The following WWOX variants were observed in gnomAD, a reference collection of about 807,000 sequenced individuals.
The protein encoded by WWOX is WW domain-containing oxidoreductase.
WWOX carries 69 observed loss-of-function variants against 46.2 expected under a neutral mutation model. That is an observed-to-expected ratio of 1.49 (90% CI 1.23 to 1.82). WWOX has a LOEUF of 1.82. WWOX is among the 40% of genes most tolerant of loss of function. The pLI is 0.00. For synonymous variants in WWOX, 359 were observed against 202.6 expected (o/e 1.77, Z -6.56); for missense variants, 919 against 542.6 (o/e 1.69, Z -6.89).
rs773610021 is a variant in WWOX at position 78,330,398 on chromosome 16, A to AT, written c.517-56448dup. Among the ~76,000 whole-genome samples the AT allele has an allele frequency of 9.2e-3, 1,331 of 144,820 alleles. 9 individuals are homozygous for AT. Among genetic ancestry groups the AT allele is most frequent in the African/African-American group, 0.019 (776 of 40,102 alleles). The stretch of plus-strand genomic sequence containing the variant: ...TAAAGAGAAAATTTCACCAGTGATA[A>AT]TTTTTTTTTTTTTTCCCCTGAGAAA... On this transcript the variant is annotated intron_variant, in intron 5 of 8. Coordinates refer to ENST00000566780, the MANE Select transcript of WWOX (RefSeq NM_016373.4).
rs117190123 is a variant in WWOX, at chr16:78,777,507, G to A, written c.1056+344755G>A. Among the ~76,000 whole-genome samples the A allele has an allele frequency of 5.8e-3, 881 of 152,256 alleles. 1 individual carries two copies. Among genetic ancestry groups the A allele is most frequent in the Non-Finnish European group, 7.9e-3 (535 of 68,018 alleles). On this transcript the variant is annotated intron_variant, in intron 8 of 8. Transcript: ENST00000566780. ...AAATACAGACGTAGAAAGACACCGT[G>A]CCTGCTGCTAAGAGGCCCCTGGTCC... is the stretch of plus-strand genomic sequence containing the variant.
chr16:78,911,196 T>C (rs1473488591), intron 8 of WWOX, among the ~76,000 whole-genome samples: 1 of 151,944 alleles, frequency 6.6e-6, no homozygotes, highest in Non-Finnish European at 1.5e-5. Flanking sequence ...ACTTTCCAGT[T>C]ATCAAAAAGG....
intron 8 of WWOX, among the ~76,000 whole-genome samples, chr16:78,650,168 GTGTT>G (rs2046934662): frequency 6.6e-6 from 1 of 152,164 alleles, no homozygotes; most frequent in Non-Finnish European, 1.5e-5. Context: ...ATAAAAAAGA[GTGTT>G]TGGCTAACTT....
chr16:78,370,115 G>GAGC (rs1341366290), intron 5 of WWOX, among the ~76,000 whole-genome samples: 1 of 106,304 alleles, frequency 9.4e-6, no homozygotes, highest in Admixed American at 1.5e-4. Context: ...CTGGGAGACA[G>GAGC]AGCAAGACTG....
At chr16:79,100,576 C>G (rs1273641885) in intron 8 of WWOX, among the ~76,000 whole-genome samples, 1 of 152,172 alleles carries the variant, frequency 6.6e-6, no homozygotes, top group Non-Finnish European at 1.5e-5. Context: ...CAGCTCTTTT[C>G]CTATACAAGT....
At chr16:79,028,861 C>T (rs1298644961) in intron 8 of WWOX, among the ~76,000 whole-genome samples, 2 of 150,822 alleles carry the variant, frequency 1.3e-5, no homozygotes, top group South Asian at 2.1e-4. Context: ...ATTCTGAAAA[C>T]TGGGAAGAGA....
chr16:79,195,159 C>T (rs923111941), intron 8 of WWOX, among the ~76,000 whole-genome samples: 1 of 152,064 alleles, frequency 6.6e-6, no homozygotes, highest in African/African-American at 2.4e-5. Flanking sequence ...TCTAAGTCCC[C>T]CAGCTATTGT....
In WWOX at chr16:78,951,993, A is replaced by G. The variant is rs556039933; in HGVS notation, c.1057-259615A>G. Among the ~76,000 whole-genome samples the G allele has an allele frequency of 2.0e-5, 3 of 152,274 alleles. No homozygotes were observed. In the South Asian group the frequency reaches 6.2e-4, roughly 32 times the overall value. On this transcript the variant is annotated intron_variant, in intron 8 of 8. Coordinates refer to ENST00000566780, the MANE Select transcript of WWOX (RefSeq NM_016373.4). ...ACCCAAATGTGAGTATGCCATTCTA[A>G]TCTTCCCACCCTCAGATAAACCACA...
rs2047948857 is a variant in WWOX, at chr16:78,689,994, G to T, written c.1056+257242G>T. ...TCCTACCTCAGCCTCCTGAGTAGCTGGGATTACAGGTGCCCGCCCCCATGC... is the reference window on the plus strand; with the variant it reads ...TCCTACCTCAGCCTCCTGAGTAGCTTGGATTACAGGTGCCCGCCCCCATGC... On this transcript the variant is annotated intron_variant, in intron 8 of 8. Coordinates refer to ENST00000566780, the MANE Select transcript of WWOX (RefSeq NM_016373.4). 5.3e-5 allele frequency among the ~76,000 whole-genome samples: 8 copies of T among 152,100 alleles called. No homozygotes were observed. The South Asian group carries it at 1.7e-3, about 32-fold the overall frequency.
intron 8 of WWOX, among the ~76,000 whole-genome samples, chr16:79,172,449 A>G (rs1361428285): frequency 6.6e-6 from 1 of 152,088 alleles, no homozygotes; most frequent in African/African-American, 2.4e-5. Flanking sequence ...AGCAGCAACC[A>G]CTTATCTTGG....
At chr16:78,929,472 T>C (rs1475342950) in intron 8 of WWOX, among the ~76,000 whole-genome samples, 1 of 152,164 alleles carries the variant, frequency 6.6e-6, no homozygotes, top group African/African-American at 2.4e-5. Flanking sequence ...TAAAAATCTA[T>C]TTCCAATGCT....
At chr16:78,381,477 G>A (rs1239113957) in intron 5 of WWOX, among the ~76,000 whole-genome samples, 129 of 152,356 alleles carry the variant, frequency 8.5e-4, no homozygotes, top group Non-Finnish European at 2.8e-4. Context: ...TTGGGAGCAA[G>A]TGGGCTTCTG....
At chr16:78,841,229 A>G (rs1314125804) in intron 8 of WWOX, among the ~76,000 whole-genome samples, 1 of 152,212 alleles carries the variant, frequency 6.6e-6, no homozygotes, top group Non-Finnish European at 1.5e-5. Flanking sequence ...GTTTTGTTCC[A>G]GTCTTTTACC....
At chr16:78,865,827 C>T (rs1316394315) in intron 8 of WWOX, among the ~76,000 whole-genome samples, 1 of 152,192 alleles carries the variant, frequency 6.6e-6, no homozygotes, top group African/African-American at 2.4e-5. Flanking sequence ...TTGCAGTGAG[C>T]CAGATTGCAC....
intron 8 of WWOX, among the ~76,000 whole-genome samples, chr16:78,966,733 CTT>C (rs2046369367): frequency 6.6e-6 from 1 of 152,140 alleles, no homozygotes; most frequent in African/African-American, 2.4e-5. Flanking sequence ...TTGCAAAACT[CTT>C]TTCATGGTCT....
chr16:78,781,826 A>G (rs573041400), intron 8 of WWOX, among the ~76,000 whole-genome samples: 13 of 152,350 alleles, frequency 8.5e-5, no homozygotes, highest in Non-Finnish European at 1.6e-4. Flanking sequence ...AGTAGAAGTA[A>G]TGATGACGAT....
At position 78,864,178 on chromosome 16, in the gene WWOX, A is replaced by G. The variant is rs186581314; in HGVS notation, c.1057-347430A>G. Among the ~76,000 whole-genome samples the G allele has an allele frequency of 2.2e-3, 335 of 152,290 alleles. 3 individuals carry two copies. Among genetic ancestry groups the G allele is most frequent in the Non-Finnish European group, 3.7e-3 (249 of 68,028 alleles). On this transcript the variant is annotated intron_variant, in intron 8 of 8. Coordinates refer to ENST00000566780, the MANE Select transcript of WWOX (RefSeq NM_016373.4). ...GTGGAATTACGGGGTCATACAGTAAATCTATGGTTAATTCATCAGGAATTA... is the reference window on the plus strand; with the variant it reads ...GTGGAATTACGGGGTCATACAGTAAGTCTATGGTTAATTCATCAGGAATTA...
chr16:78,908,416 T>A (rs2045022357), intron 8 of WWOX, among the ~76,000 whole-genome samples: 1 of 151,786 alleles, frequency 6.6e-6, no homozygotes, highest in Non-Finnish European at 1.5e-5. Flanking sequence ...GGTAGGCGCC[T>A]GTAATCCTAG....
At chr16:78,917,091 G>T (rs1461813134) in intron 8 of WWOX, among the ~76,000 whole-genome samples, 1 of 152,188 alleles carries the variant, frequency 6.6e-6, no homozygotes, top group Non-Finnish European at 1.5e-5. Context: ...AGTAGGAGAA[G>T]ACCAGACTTG....
Sources: allele counts gnomAD v4.1 joint callset (sites outside exome capture counted in the v4.1 genomes callset), GRCh38; gene constraint gnomAD v4.1.1; transcripts MANE v1.5; gene names NCBI Gene and HGNC (gene_info 2026-07-23, HGNC 2026-07-21).